Variants in MUSK observed in about 807,000 individuals in gnomAD.
MUSK encodes muscle associated receptor tyrosine kinase.
MUSK carries 55 observed loss-of-function variants against 88.7 expected under a neutral mutation model. That is an observed-to-expected ratio of 0.62 (90% CI 0.50 to 0.78). The LOEUF (loss-of-function observed/expected upper bound fraction) is 0.78. Ranked by LOEUF, MUSK falls within the 30% of genes least tolerant of loss-of-function variation. The probability of loss-of-function intolerance (pLI) is 0.00; values close to 1 mark genes in which losing one functional copy is unlikely to be tolerated. For synonymous variants in MUSK, 387 were observed against 391.9 expected, an observed-to-expected ratio of 0.99 and a Z score of 0.15; for missense variants, 1,015 against 1,074.3, an observed-to-expected ratio of 0.94 and a Z score of 0.77.
In MUSK at chr9:110,806,161, G is replaced by C. The variant is rs1033010035; in HGVS notation, c.*5173G>C. 1.3e-5 allele frequency among the ~76,000 whole-genome samples: 2 copies of C among 152,026 alleles called. No homozygotes were observed. Among genetic ancestry groups the C allele is most frequent in the Non-Finnish European group, 2.9e-5 (2 of 67,966 alleles). On this transcript the variant is annotated 3_prime_UTR_variant, in exon 15 of 15. Transcript: ENST00000374448. The stretch of plus-strand genomic sequence containing the variant: ...ATTACCAGTGCAATTCTAACAAATA[G>C]GTTTGCATTTCTCTTTCTGAATTGA...
intron 2 of MUSK, among the ~76,000 whole-genome samples, chr9:110,685,990 C>T (rs370070296): frequency 2.6e-5 from 4 of 152,074 alleles, no homozygotes; most frequent in Non-Finnish European, 5.9e-5. Flanking sequence ...CTTGCTGTAA[C>T]AAATTACCAC....
intron 5 of MUSK, among the ~76,000 whole-genome samples, chr9:110,729,490 T>C (rs1376775656): frequency 6.6e-6 from 1 of 151,848 alleles, no homozygotes; most frequent in Non-Finnish European, 1.5e-5. Flanking sequence ...CTCAAACTGG[T>C]ATTATTTAAA....
intron 1 of MUSK, among the ~76,000 whole-genome samples, chr9:110,671,221 C>T (rs1031473958): frequency 6.6e-6 from 1 of 152,108 alleles, no homozygotes; most frequent in African/African-American, 2.4e-5. Flanking sequence ...CTGCCTGCCT[C>T]GGCCTCCCAA....
chr9:110,790,118 G>A (rs1182485678), intron 14 of MUSK, among the ~76,000 whole-genome samples: 3 of 152,160 alleles, frequency 2.0e-5, no homozygotes, highest in Non-Finnish European at 4.4e-5. Context: ...GTGGTGTCCT[G>A]GATGTCAAAT....
At chr9:110,714,251 C>T (rs2076715812) in intron 5 of MUSK, among the ~76,000 whole-genome samples, 1 of 152,122 alleles carries the variant, frequency 6.6e-6, no homozygotes, top group Non-Finnish European at 1.5e-5. Flanking sequence ...AACAAGTAAA[C>T]TTTGTGTAGC....
intron 5 of MUSK, among the ~76,000 whole-genome samples, chr9:110,730,937 A>T (rs1256353046): frequency 1.3e-5 from 2 of 152,036 alleles, no homozygotes; most frequent in Non-Finnish European, 2.9e-5. Context: ...AGGATGAAGA[A>T]GCCCTGACCT....
intron 5 of MUSK, among the ~76,000 whole-genome samples, chr9:110,728,869 G>A (rs550052331): frequency 6.6e-6 from 1 of 152,068 alleles, no homozygotes; most frequent in African/African-American, 2.4e-5. Flanking sequence ...ACTTAACGGT[G>A]TTATTAGATA....
chr9:110,755,568 C>G (rs1412583805), intron 7 of MUSK, among the ~76,000 whole-genome samples: 3 of 152,040 alleles, frequency 2.0e-5, no homozygotes, highest in African/African-American at 7.2e-5. Flanking sequence ...TCCATAATTT[C>G]CAGGTAATGT....
chr9:110,734,432 A>G, intron 6 of MUSK, 57 bp downstream of exon 6: 2 of 1,608,070 alleles, frequency 1.2e-6, no homozygotes, highest in Non-Finnish European at 1.7e-6. Flanking sequence ...GGTGAACTTC[A>G]GGATAGACCA....
At position 110,767,798 on chromosome 9, in the gene MUSK, T is replaced by C. The variant is rs899901944; in HGVS notation, c.921-22T>C. Reference sequence around the variant, plus strand: ...CCAAGAAATAGCATGTGATTAGAAATGTTGTTCATTTCTTCTTTCAGTAAA... The same window carrying C: ...CCAAGAAATAGCATGTGATTAGAAACGTTGTTCATTTCTTCTTTCAGTAAA... On this transcript the variant is annotated intron_variant, in intron 8 of 14. Transcript: ENST00000374448. 1.9e-6 allele frequency: 3 copies of C among 1,611,838 alleles called. No individual in the cohort carries two copies. The African/African-American group carries it at 4.0e-5, about 22-fold the overall frequency.
intron 14 of MUSK, 159 bp downstream of exon 14, chr9:110,787,997 T>G: frequency 2.6e-6 from 2 of 759,242 alleles, no homozygotes; most frequent in Non-Finnish European, 4.6e-6. Context: ...CCCAACCCTA[T>G]AGGACATTCA....
chr9:110,767,984 T>A lies in MUSK; in HGVS notation c.1085T>A (p.Val362Glu). ...ACGGCCTGGAATGAACTGAAAGTAG[T>A]GAGCCCAGTCTGCCGGCCAGCTGCT... ...VHTAWNELKVVSPVCRPAAEA... is the reference protein window; with the variant it reads ...VHTAWNELKVESPVCRPAAEA... The change falls in exon 9 of 15, where the codon GTG becomes GAG. Residue 362 changes from valine to glutamate, a missense_variant. Transcript: ENST00000374448. 6.2e-7 allele frequency: 1 copy of A among 1,613,976 alleles called. No homozygotes were observed. Among genetic ancestry groups the A allele is most frequent in the Non-Finnish European group, 8.5e-7 (1 of 1,179,878 alleles).
chr9:110,770,963 A>C (rs1259183556), intron 9 of MUSK, among the ~76,000 whole-genome samples: 2 of 151,980 alleles, frequency 1.3e-5, no homozygotes, highest in Non-Finnish European at 2.9e-5. Context: ...TTTGGATCAT[A>C]TTAATCAGAT....
chr9:110,685,216 A>C (rs2076181870), intron 2 of MUSK, among the ~76,000 whole-genome samples: 1 of 152,142 alleles, frequency 6.6e-6, no homozygotes, highest in Admixed American at 6.6e-5. Flanking sequence ...TATTGAAATA[A>C]TCGTATGTTT....
intron 11 of MUSK, among the ~76,000 whole-genome samples, chr9:110,782,376 G>T (rs2077774862): frequency 6.6e-6 from 1 of 152,118 alleles, no homozygotes. Flanking sequence ...TTGAAGGAAA[G>T]AAACATTTAA....
intron 9 of MUSK, among the ~76,000 whole-genome samples, chr9:110,768,782 GTTATT>G (rs1410871359): frequency 6.6e-6 from 1 of 152,126 alleles, no homozygotes; most frequent in East Asian, 1.9e-4. Context: ...ATCTCTGAAT[GTTATT>G]TTAAAGTACA....
intron 2 of MUSK, among the ~76,000 whole-genome samples, chr9:110,683,641 T>C (rs1185100397): frequency 6.6e-6 from 1 of 152,078 alleles, no homozygotes; most frequent in African/African-American, 2.4e-5. Flanking sequence ...CTTGCGAGCA[T>C]TTGTTATTGC....
intron 13 of MUSK, among the ~76,000 whole-genome samples, chr9:110,786,827 G>T (rs1007606045): frequency 4.6e-5 from 7 of 152,160 alleles, no homozygotes; most frequent in African/African-American, 1.7e-4. Context: ...CTGAGCCAGA[G>T]AATATGAATT....
chr9:110,689,159 TATAA>T (rs1443401282), intron 3 of MUSK, among the ~76,000 whole-genome samples: 2,563 of 120,930 alleles, frequency 0.021, 95 homozygotes, highest in African/African-American at 0.081. Flanking sequence ...TTATATAAAA[TATAA>T]ATAAACTATA....
Sources: gnomAD v4.1 joint callset for allele counts (sites outside exome capture counted in the v4.1 genomes callset) on GRCh38, gnomAD v4.1.1 for gene constraint, MANE v1.5 for transcripts, NCBI Gene and HGNC (gene_info 2026-07-23, HGNC 2026-07-21) for gene names.